The following TANC2 variants were observed in gnomAD, a reference collection of about 807,000 sequenced individuals.
TANC2 encodes protein TANC2.
TANC2 carries 26 observed loss-of-function variants against 210.5 expected under a neutral mutation model. The observed-to-expected ratio is 0.12, with a 90% CI of 0.09 to 0.17. The LOEUF is 0.17. Ranked by LOEUF, TANC2 falls within the 10% of genes least tolerant of loss-of-function variation. The pLI is 1.00. For missense variants in TANC2, 2,129 were observed against 2,608.9 expected (o/e 0.82, Z 4.01); for synonymous variants, 931 against 967.1 (o/e 0.96, Z 0.69).
chr17:63,099,683 A>G (rs1057195054), intron 4 of TANC2, among the ~76,000 whole-genome samples: 25 of 152,174 alleles, frequency 1.6e-4, no homozygotes, highest in Non-Finnish European at 3.4e-4. Flanking sequence ...TGTCAGGTTA[A>G]CAGATGGAGA....
At chr17:63,399,509 C>G (rs1425869850) in intron 19 of TANC2, among the ~76,000 whole-genome samples, 1 of 152,198 alleles carries the variant, frequency 6.6e-6, no homozygotes, top group East Asian at 1.9e-4. Context: ...CAAACAGAAG[C>G]CTCTTCCTTG....
chr17:63,406,816 G>T (rs926281437), intron 21 of TANC2, among the ~76,000 whole-genome samples: 6 of 152,190 alleles, frequency 3.9e-5, no homozygotes, highest in Non-Finnish European at 7.4e-5. Flanking sequence ...CATAAAGTAC[G>T]TCAGGCTCCT....
intron 4 of TANC2, among the ~76,000 whole-genome samples, chr17:63,114,714 TTTAATA>T (rs1192100804): frequency 1.3e-5 from 2 of 152,164 alleles, no homozygotes; most frequent in African/African-American, 4.8e-5. Flanking sequence ...AGAGAAAGCT[TTTAATA>T]TAGCAAGACT....
chr17:63,102,315 A>G (rs1432619601), intron 4 of TANC2, among the ~76,000 whole-genome samples: 2 of 151,598 alleles, frequency 1.3e-5, no homozygotes, highest in African/African-American at 2.4e-5. Flanking sequence ...CCCTGCCACT[A>G]AAAAAAATAA....
intron 12 of TANC2, among the ~76,000 whole-genome samples, chr17:63,343,239 A>G (rs193274044): frequency 6.6e-6 from 1 of 152,350 alleles, no homozygotes; most frequent in African/African-American, 2.4e-5. Flanking sequence ...AAAGACACAG[A>G]TTGAAAGTAA....
At chr17:63,185,277 G>C (rs1472842167) in intron 5 of TANC2, among the ~76,000 whole-genome samples, 1 of 151,998 alleles carries the variant, frequency 6.6e-6, no homozygotes, top group African/African-American at 2.4e-5. Context: ...TTTTTTGGTA[G>C]AGAAAGGGTT....
At chr17:63,189,935 A>T (rs1169093940) in intron 5 of TANC2, among the ~76,000 whole-genome samples, 1 of 152,180 alleles carries the variant, frequency 6.6e-6, no homozygotes, top group Admixed American at 6.5e-5. Flanking sequence ...TTGATATATG[A>T]GGTAGGGCTT....
At chr17:63,102,503 G>A (rs1353013530) in intron 4 of TANC2, among the ~76,000 whole-genome samples, 1 of 150,386 alleles carries the variant, frequency 6.6e-6, no homozygotes, top group Non-Finnish European at 1.5e-5. Context: ...TTAAGTTTTA[G>A]GATACATGTG....
At chr17:63,176,807 A>AT in intron 5 of TANC2, among the ~76,000 whole-genome samples, 1 of 30,624 alleles carries the variant, frequency 3.3e-5, no homozygotes, top group Non-Finnish European at 6.1e-5. Flanking sequence ...CTCCATCTCA[A>AT]AAAAAAAAAA....
intron 8 of TANC2, among the ~76,000 whole-genome samples, chr17:63,261,298 G>C (rs2043349192): frequency 6.6e-6 from 1 of 152,104 alleles, no homozygotes; most frequent in Admixed American, 6.5e-5. Context: ...AAGGTAGTAA[G>C]AAAACCTTGA....
chr17:63,290,891 G>A (rs1267034520), intron 9 of TANC2, among the ~76,000 whole-genome samples: 5 of 152,080 alleles, frequency 3.3e-5, no homozygotes, highest in Non-Finnish European at 7.4e-5. Flanking sequence ...ATAATGAAGA[G>A]TTAAATGAGT....
At position 63,412,541 on chromosome 17, in the gene TANC2, C is replaced by G. The variant is rs2048735801; in HGVS notation, c.3899-139C>G. 1 of 790,688 alleles carries G rather than the reference C, an allele frequency of 1.3e-6. No individual in the cohort carries two copies. The highest frequency in any genetic ancestry group is 2.0e-6 in the Non-Finnish European group (1 of 488,146). The allele number at this position is 790,688 out of a possible 1,614,324, so 49.0% of individuals were successfully genotyped here. ...CCAGCTGCTCCCCAAGCCCACAGAC[C>G]TATAGACGAGGGTTGGCTGATATGC... On this transcript the variant is annotated intron_variant, in intron 23 of 27. Coordinates refer to ENST00000689528, the Ensembl canonical transcript of TANC2. This position sits in a 1 kb window ranked among gnomAD's most constrained non-coding sequence, Gnocchi z 4.2.
chr17:63,208,129 T>C (rs913174293), intron 7 of TANC2, among the ~76,000 whole-genome samples: 1 of 152,208 alleles, frequency 6.6e-6, no homozygotes, highest in Admixed American at 6.5e-5. Flanking sequence ...AGCCTTAATT[T>C]TAATGTAGTC....
At chr17:63,007,243 A>G (rs2033664837) in intron 1 of TANC2, among the ~76,000 whole-genome samples, 1 of 152,124 alleles carries the variant, frequency 6.6e-6, no homozygotes, top group South Asian at 2.1e-4. Context: ...TAGACAAAAG[A>G]GTTATGCTAT....
intron 7 of TANC2, among the ~76,000 whole-genome samples, chr17:63,233,120 C>A (rs1294168772): frequency 6.6e-6 from 1 of 152,214 alleles, no homozygotes; most frequent in Non-Finnish European, 1.5e-5. Context: ...AGGGGAAAAA[C>A]AGCAGACTGG....
At chr17:63,417,164 C>T (rs1429773467) in intron 26 of TANC2, among the ~76,000 whole-genome samples, 1 of 152,178 alleles carries the variant, frequency 6.6e-6, no homozygotes, top group Admixed American at 6.5e-5. Context: ...CCTCCTGGGC[C>T]AATACTGTGC....
At chr17:63,189,164 T>G (rs1259014618) in intron 5 of TANC2, among the ~76,000 whole-genome samples, 1 of 152,180 alleles carries the variant, frequency 6.6e-6, no homozygotes, top group Non-Finnish European at 1.5e-5. Flanking sequence ...GACATTTTAT[T>G]TATCCATTCA....
At chr17:63,006,200 CT>C (rs1356806260) in intron 1 of TANC2, among the ~76,000 whole-genome samples, 1 of 151,908 alleles carries the variant, frequency 6.6e-6, no homozygotes, top group African/African-American at 2.4e-5. Context: ...AGATTTAATA[CT>C]TTTCATAAAT....
intron 2 of TANC2, among the ~76,000 whole-genome samples, chr17:63,051,802 A>T (rs963560373): frequency 6.6e-6 from 1 of 152,160 alleles, no homozygotes; most frequent in Admixed American, 6.5e-5. Flanking sequence ...GTTTTAAAAA[A>T]TTTGTGTTAG....
Sources: gnomAD v4.1 joint callset for allele counts (sites outside exome capture counted in the v4.1 genomes callset) on GRCh38, gnomAD v4.1.1 for gene constraint, Gnocchi (gnomAD v3.1) non-coding constraint, MANE v1.5 for transcripts, NCBI Gene and HGNC (gene_info 2026-07-23, HGNC 2026-07-21) for gene names.